The following VTI1A variants were observed in gnomAD, a reference collection of about 807,000 sequenced individuals.
VTI1A encodes vesicle transport through interaction with t-SNAREs 1A.
Under a neutral mutation model 34.9 loss-of-function variants are expected in VTI1A, and 22 were observed. The observed-to-expected ratio is 0.63, with a 90% CI of 0.45 to 0.90. The LOEUF is 0.90. Ranked by LOEUF, VTI1A falls within the 40% of genes least tolerant of loss-of-function variation. The pLI, the probability that VTI1A is intolerant of heterozygous loss-of-function variation, is 0.00. For synonymous variants in VTI1A, 87 were observed against 97.3 expected (o/e 0.89, Z 0.62); for missense variants, 268 against 275.6 (o/e 0.97, Z 0.20).
intron 7 of VTI1A, among the ~76,000 whole-genome samples, chr10:112,733,009 A>C (rs990768956): frequency 1.3e-5 from 2 of 152,180 alleles, no homozygotes; most frequent in Non-Finnish European, 2.9e-5. Context: ...GCAGCTAGGA[A>C]GGAGTGTGTC....
intron 7 of VTI1A, among the ~76,000 whole-genome samples, chr10:112,769,225 A>G (rs573633033): frequency 8.8e-4 from 134 of 152,328 alleles, no homozygotes; most frequent in African/African-American, 2.9e-3. Flanking sequence ...AGCTAACTTC[A>G]GAACACAGAC....
intron 7 of VTI1A, among the ~76,000 whole-genome samples, chr10:112,775,312 A>T (rs149916626): frequency 3.7e-4 from 56 of 152,322 alleles, no homozygotes; most frequent in Admixed American, 2.5e-3. Context: ...ATTTGTTTTC[A>T]ATCCATGGAA....
chr10:112,730,833 A>C (rs1227767116), intron 7 of VTI1A, among the ~76,000 whole-genome samples: 1 of 152,214 alleles, frequency 6.6e-6, no homozygotes, highest in Non-Finnish European at 1.5e-5. Context: ...ATCAAAGACT[A>C]AAGACCAGAT....
chr10:112,749,950 G>T (rs1195821584), intron 7 of VTI1A, among the ~76,000 whole-genome samples: 1 of 152,182 alleles, frequency 6.6e-6, no homozygotes, highest in East Asian at 1.9e-4. Context: ...CTTACATTGA[G>T]TCAAAAGATA....
intron 7 of VTI1A, among the ~76,000 whole-genome samples, chr10:112,760,889 CAA>C (rs10592117): frequency 0.27 from 25,162 of 94,114 alleles, 2,340 homozygotes; most frequent in East Asian, 0.4. Context: ...ACTCCATCTC[CAA>C]AAAAAAAAAA....
chr10:112,552,011 G>A (rs903023082), intron 5 of VTI1A, among the ~76,000 whole-genome samples: 2 of 152,080 alleles, frequency 1.3e-5, no homozygotes, highest in Non-Finnish European at 2.9e-5. Context: ...TTCATTAATA[G>A]ACAGATATGT....
chr10:112,840,338 G>A, the VTI1A span, among the ~76,000 whole-genome samples: 2 of 152,048 alleles, frequency 1.3e-5, no homozygotes, highest in African/African-American at 4.8e-5. Context: ...CCCCCTTCTA[G>A]TTATCCCACC....
chr10:112,579,514 C>T (rs1312053467), intron 5 of VTI1A, among the ~76,000 whole-genome samples: 2 of 151,644 alleles, frequency 1.3e-5, no homozygotes, highest in Non-Finnish European at 2.9e-5. Context: ...CCAGTCTGGG[C>T]AACATAGTGA....
chr10:112,511,427 A>G (rs1849605088), intron 3 of VTI1A, among the ~76,000 whole-genome samples: 1 of 151,982 alleles, frequency 6.6e-6, no homozygotes, highest in Non-Finnish European at 1.5e-5. Context: ...GTATTTTAGT[A>G]GAAACAGGGT....
chr10:112,741,618 G>A (rs1167257678), intron 7 of VTI1A, among the ~76,000 whole-genome samples: 1 of 152,004 alleles, frequency 6.6e-6, no homozygotes, highest in Non-Finnish European at 1.5e-5. Context: ...CAATAAAACT[G>A]TTTACAAATG....
chr10:112,820,262 T>C (rs552209579), downstream of VTI1A, among the ~76,000 whole-genome samples: 2 of 152,346 alleles, frequency 1.3e-5, no homozygotes, highest in East Asian at 3.9e-4. Context: ...GAGCCATTTT[T>C]CCAAAAGGAA....
intron 7 of VTI1A, among the ~76,000 whole-genome samples, chr10:112,734,306 G>A (rs554414234): frequency 1.3e-5 from 2 of 152,114 alleles, no homozygotes; most frequent in South Asian, 4.2e-4. Context: ...GACTGTTCGG[G>A]GGTCTCTGGC....
At chr10:112,629,968 T>C (rs2120930) in intron 5 of VTI1A, among the ~76,000 whole-genome samples, 67,425 of 151,982 alleles carry the variant, frequency 0.44, 15,609 homozygotes, top group East Asian at 0.62. Flanking sequence ...AAAAAAAATA[T>C]GGTTTTATAG....
intron 7 of VTI1A, among the ~76,000 whole-genome samples, chr10:112,694,280 AG>A (rs1848705992): frequency 6.6e-6 from 1 of 151,982 alleles, no homozygotes; most frequent in Admixed American, 6.6e-5. Context: ...GAAGCCTTAA[AG>A]CTGCTTGAGG....
chr10:112,524,621 A>AG (rs1850153250), intron 3 of VTI1A, among the ~76,000 whole-genome samples: 1 of 152,152 alleles, frequency 6.6e-6, no homozygotes, highest in African/African-American at 2.4e-5. Flanking sequence ...ATTCTAACCA[A>AG]AACAAGATTC....
chr10:112,563,125 A>G (rs553812632), intron 5 of VTI1A, among the ~76,000 whole-genome samples: 40 of 152,312 alleles, frequency 2.6e-4, no homozygotes, highest in African/African-American at 9.6e-4. Flanking sequence ...TTACGGCTTA[A>G]TTTTAATCAG....
chr10:112,757,843 C>G (rs1476092886), intron 7 of VTI1A, among the ~76,000 whole-genome samples: 1 of 152,142 alleles, frequency 6.6e-6, no homozygotes, highest in Non-Finnish European at 1.5e-5. Context: ...TTCTTCCAAT[C>G]TTTTGTTTTT....
At chr10:112,712,930 AG>A (rs1475038714) in intron 7 of VTI1A, among the ~76,000 whole-genome samples, 1 of 152,170 alleles carries the variant, frequency 6.6e-6, no homozygotes, top group Admixed American at 6.5e-5. Flanking sequence ...GTAGGGCAAA[AG>A]CTGCTGCAAA....
intron 7 of VTI1A, among the ~76,000 whole-genome samples, chr10:112,689,166 C>A (rs1848530958): frequency 6.6e-6 from 1 of 152,118 alleles, no homozygotes; most frequent in African/African-American, 2.4e-5. Context: ...GCAGAGCAGG[C>A]AAGTCACTCT....
Sources: allele counts gnomAD v4.1 joint callset (sites outside exome capture counted in the v4.1 genomes callset), GRCh38; gene constraint gnomAD v4.1.1; transcripts MANE v1.5; gene names NCBI Gene and HGNC (gene_info 2026-07-23, HGNC 2026-07-21).